Variants in PLIN3 observed in about 807,000 individuals in gnomAD.
PLIN3 encodes perilipin-3.
In PLIN3, 30 loss-of-function variants were observed where a neutral mutation model predicts 35.9. That is an observed-to-expected ratio of 0.84 (90% CI 0.62 to 1.13). PLIN3 has a LOEUF of 1.13. PLIN3 is among the 50% of genes most tolerant of loss of function. The probability of loss-of-function intolerance (pLI) is 0.00; values close to 1 mark genes in which losing one functional copy is unlikely to be tolerated. For missense variants in PLIN3, 603 were observed against 596.9 expected, an observed-to-expected ratio of 1.01 and a Z score of -0.11; for synonymous variants, 261 against 262.5, an observed-to-expected ratio of 0.99 and a Z score of 0.06.
intron 4 of PLIN3, among the ~76,000 whole-genome samples, chr19:4,854,714 A>T (rs1319789516): frequency 6.6e-6 from 1 of 152,036 alleles, no homozygotes; most frequent in African/African-American, 2.4e-5. Flanking sequence ...TCTAGCTCTG[A>T]CAACACCACC....
chr19:4,845,226 G>A (rs1305174299), intron 6 of PLIN3, among the ~76,000 whole-genome samples: 1 of 151,934 alleles, frequency 6.6e-6, no homozygotes, highest in African/African-American at 2.4e-5. Flanking sequence ...AGGAGTTCGA[G>A]ACCAGCCTAA....
chr19:4,848,840 C>A (rs1478828547), intron 5 of PLIN3, among the ~76,000 whole-genome samples: 1 of 151,890 alleles, frequency 6.6e-6, no homozygotes, highest in Admixed American at 6.6e-5. Context: ...GCACTCCAGC[C>A]TGGGTGAGAG....
At chr19:4,855,249 G>GAAAA (rs377681525) in intron 4 of PLIN3, among the ~76,000 whole-genome samples, 15 of 36,182 alleles carry the variant, frequency 4.1e-4, no homozygotes, top group South Asian at 2.6e-3. Context: ...GACTCCATCT[G>GAAAA]AAAAAAAAAA....
intron 4 of PLIN3, among the ~76,000 whole-genome samples, chr19:4,858,706 T>TTTTG (rs1568379718): frequency 1.2e-4 from 15 of 127,382 alleles, no homozygotes; most frequent in East Asian, 2.5e-4. Flanking sequence ...TTTTGGTTTT[T>TTTTG]TTTTTTTTTT....
chr19:4,838,938 G>T lies in PLIN3; in HGVS notation c.*254C>A, dbSNP rs1481784049. 1 of 353,432 alleles carries T rather than the reference G, an allele frequency of 2.8e-6. No homozygotes were observed. Among genetic ancestry groups the T allele is most frequent in the African/African-American group, 2.1e-5 (1 of 47,944 alleles). The allele number at this position is 353,432 out of a possible 1,614,324, so 21.9% of individuals were successfully genotyped here. On this transcript the variant is annotated 3_prime_UTR_variant, in exon 8 of 8. Coordinates refer to ENST00000221957, the MANE Select transcript of PLIN3 (RefSeq NM_005817.5). ...TCTGCAGGGGAGAACTTTCCTGAAAGATATTTTTTCTGGACATCTCTCTCT... is the reference window on the plus strand; with the variant it reads ...TCTGCAGGGGAGAACTTTCCTGAAATATATTTTTTCTGGACATCTCTCTCT...
chr19:4,847,241 G>A (rs1315707868), intron 6 of PLIN3, among the ~76,000 whole-genome samples: 1 of 149,900 alleles, frequency 6.7e-6, no homozygotes, highest in Non-Finnish European at 1.5e-5. Flanking sequence ...CTAGGCTGCA[G>A]TGCAGTGGCA....
chr19:4,845,147 T>C (rs2030044382), intron 6 of PLIN3, among the ~76,000 whole-genome samples: 1 of 152,072 alleles, frequency 6.6e-6, no homozygotes, highest in South Asian at 2.1e-4. Flanking sequence ...GCTTGTAGGC[T>C]GGGCATGGTG....
rs1022567621 is a variant in PLIN3 at position 4,851,900 on chromosome 19, G to A, written c.634+116C>T. 2.0e-5 allele frequency: 22 copies of A among 1,082,076 alleles called. No individual in the cohort carries two copies. The East Asian group carries it at 5.7e-4, about 28-fold the overall frequency. The allele number at this position is 1,082,076 out of a possible 1,614,324, so 67.0% of individuals were successfully genotyped here. On this transcript the variant is annotated intron_variant, in intron 5 of 7. Coordinates refer to ENST00000221957, the MANE Select transcript of PLIN3 (RefSeq NM_005817.5). ...TGATGAGATTCCAAGATGCCCGGGA[G>A]AAGTGGCAGGGACGAGGCGGCAGTG...
At chr19:4,864,098 AGTGTGTGTGTGTGTGT>A (rs71170861) in intron 1 of PLIN3, among the ~76,000 whole-genome samples, 22,830 of 125,118 alleles carry the variant, frequency 0.18, 2,404 homozygotes, top group Middle Eastern at 0.26. Flanking sequence ...ACACCTGGCT[AGTGTGTGTGTGTGTGT>A]GTGTGTGTGT....
chr19:4,859,575 G>A lies in PLIN3; in HGVS notation c.348+15C>T. ...TCCCTGTCTCGACAGAGCCCCTGAG[G>A]ACGGACATCGTTACCTTCTCCGTGG... On this transcript the variant is annotated intron_variant, in intron 4 of 7. Transcript: ENST00000221957. 6.2e-7 allele frequency: 1 copy of A among 1,610,270 alleles called. No individual in the cohort carries two copies. Among genetic ancestry groups the A allele is most frequent in the South Asian group, 1.1e-5 (1 of 90,994 alleles).
rs1033224973 is a variant in PLIN3, at chr19:4,838,451, C to G, written c.*741G>C. 1.3e-5 allele frequency: 2 copies of G among 152,410 alleles called. No homozygotes were observed. Among genetic ancestry groups the G allele is most frequent in the Non-Finnish European group, 2.9e-5 (2 of 68,046 alleles). The allele number at this position is 152,410 out of a possible 1,614,324, so 9.4% of individuals were successfully genotyped here. A position where few individuals can be genotyped will look rare whatever the true frequency, so the allele number is the denominator to read the frequency against. ...TACTCTACAATGAGGCTCAGAAGCT[C>G]AGTGTACCACCCCATCCCCAGGAGG... On this transcript the variant is annotated 3_prime_UTR_variant, in exon 8 of 8. Transcript: ENST00000221957.
intron 6 of PLIN3, 90 bp from the exon 7 acceptor site, chr19:4,844,883 G>T: frequency 7.2e-7 from 1 of 1,385,998 alleles, no homozygotes; most frequent in South Asian, 1.5e-5. Flanking sequence ...TCCAGCATCT[G>T]ACTTACATGA....
At chr19:4,853,756 T>C (rs947961776) in intron 4 of PLIN3, among the ~76,000 whole-genome samples, 14 of 151,762 alleles carry the variant, frequency 9.2e-5, no homozygotes, top group Non-Finnish European at 1.5e-5. Flanking sequence ...GAGTTTGCAG[T>C]GAGCCGAGAC....
In PLIN3 at chr19:4,852,029, C is replaced by A. The variant is rs759408719; in HGVS notation, c.621G>T (p.Thr207=). ...EEWADNHLPL[T]DAELARIATS... ...GGCCACACTTACCCAGTTCGGCATCCGTAAGGGGCAGGTGGTTGTCCGCCC... is the reference window on the plus strand; with the variant it reads ...GGCCACACTTACCCAGTTCGGCATCAGTAAGGGGCAGGTGGTTGTCCGCCC... The change falls in exon 5 of 8, where the codon ACG becomes ACT. Residue 207 remains threonine, a synonymous_variant. Transcript: ENST00000221957. 3 of 1,613,380 alleles carry A rather than the reference C, an allele frequency of 1.9e-6. No individual in the cohort carries two copies. Among genetic ancestry groups the A allele is most frequent in the Non-Finnish European group, 1.7e-6 (2 of 1,179,730 alleles).
At chr19:4,849,892 C>A (rs1254061953) in intron 5 of PLIN3, among the ~76,000 whole-genome samples, 1 of 151,664 alleles carries the variant, frequency 6.6e-6, no homozygotes, top group African/African-American at 2.4e-5. Flanking sequence ...ACCATGTGAT[C>A]CAGCTGCCTC....
Position 4,847,677 on chromosome 19 carries a change from C to G in PLIN3, c.834+14G>C. The G allele has an allele frequency of 1.3e-6, 2 of 1,582,218 alleles. No individual in the cohort carries two copies. Among genetic ancestry groups the G allele is most frequent in the Admixed American group, 1.8e-5 (1 of 55,300 alleles). ...AGGCTGCTGGCTCAGGGCCCCGACC[C>G]CCTGGAACCTCACCAGGCTTAGGAC... On this transcript the variant is annotated intron_variant, in intron 6 of 7. Transcript: ENST00000221957.
In PLIN3 at chr19:4,844,771, A is replaced by C. The variant is rs560283048; in HGVS notation, c.857T>G (p.Val286Gly). 60 of 1,601,710 alleles carry C rather than the reference A, an allele frequency of 3.7e-5. 1 individual carries two copies. In the African/African-American group the frequency reaches 6.3e-4, roughly 17 times the overall value. Reference sequence around the variant, plus strand: ...CTGGCCTTCCACCAGCTTCTGATCAACGCCTTGCTTGACAGTTTCCATCTG... The same window carrying C: ...CTGGCCTTCCACCAGCTTCTGATCACCGCCTTGCTTGACAGTTTCCATCTG... ...LSLMETVKQG[V>G]DQKLVEGQEK... The change falls in exon 7 of 8, where the codon GTT becomes GGT. Residue 286 changes from valine to glycine, a missense_variant. Transcript: ENST00000221957.
intron 4 of PLIN3, among the ~76,000 whole-genome samples, chr19:4,858,618 G>A (rs141496626): frequency 3.0e-4 from 46 of 151,314 alleles, no homozygotes; most frequent in African/African-American, 1.0e-3. Flanking sequence ...TCCTGACCTT[G>A]TGATCCGCCC....
At chr19:4,859,475 A>T (rs1348265743) in intron 4 of PLIN3, 115 bp downstream of exon 4, 10 of 875,574 alleles carry the variant, frequency 1.1e-5, no homozygotes, top group Non-Finnish European at 1.9e-5. Context: ...GGGAACCGAC[A>T]GGAGAGGCAG....
Sources: gnomAD v4.1 joint callset for allele counts (sites outside exome capture counted in the v4.1 genomes callset) on GRCh38, gnomAD v4.1.1 for gene constraint, MANE v1.5 for transcripts, NCBI Gene and HGNC (gene_info 2026-07-23, HGNC 2026-07-21) for gene names.